LYPD6B: variants seen among roughly 807,000 people sequenced by gnomAD.
LYPD6B encodes the protein LY6/PLAUR domain containing 6B, also known as ly6/PLAUR domain-containing protein 6B.
In LYPD6B, 17 loss-of-function variants were observed where a neutral mutation model predicts 22.8. The ratio of observed to expected loss-of-function variants is 0.75; its 90% CI spans 0.51 to 1.12. LYPD6B has a LOEUF of 1.12. LYPD6B is among the 50% of genes most tolerant of loss of function. The pLI is 0.00. For synonymous variants in LYPD6B, 106 were observed against 91.6 expected (o/e 1.16, Z -0.90); for missense variants, 221 against 258.3 (o/e 0.86, Z 0.99).
At chr2:149,113,201 A>AGAC (rs1686843585) in intron 1 of LYPD6B, among the ~76,000 whole-genome samples, 3 of 151,666 alleles carry the variant, frequency 2.0e-5, no homozygotes, top group Admixed American at 6.6e-5. Flanking sequence ...TTGGCTTGTA[A>AGAC]AGTCTTAGTT....
chr2:149,040,827 G>T (rs1208615220), intron 1 of LYPD6B, among the ~76,000 whole-genome samples: 1 of 152,242 alleles, frequency 6.6e-6, no homozygotes, highest in East Asian at 1.9e-4. Context: ...TGCATGGAGG[G>T]CATCCTGTGT....
At chr2:149,204,164 T>C (rs1377680636) in intron 3 of LYPD6B, among the ~76,000 whole-genome samples, 2 of 152,196 alleles carry the variant, frequency 1.3e-5, no homozygotes, top group African/African-American at 2.4e-5. Context: ...TGAACCCACA[T>C]TTGACGCTCA....
intron 1 of LYPD6B, among the ~76,000 whole-genome samples, chr2:149,112,313 A>G (rs1686797184): frequency 6.6e-6 from 1 of 152,156 alleles, no homozygotes; most frequent in South Asian, 2.1e-4. Context: ...TTATAACTTT[A>G]TATGCTGTTT....
At chr2:149,062,687 A>G (rs1558975317) in intron 1 of LYPD6B, among the ~76,000 whole-genome samples, 1 of 152,170 alleles carries the variant, frequency 6.6e-6, no homozygotes, top group Non-Finnish European at 1.5e-5. Flanking sequence ...TAAAGGTGCA[A>G]TGTTATTTTG....
At chr2:149,205,026 T>C in intron 3 of LYPD6B, 1 of 444,222 alleles carries the variant, frequency 2.3e-6, no homozygotes, top group Non-Finnish European at 3.9e-6. Context: ...CATCGAGTGT[T>C]CTGCTAAAGC....
chr2:149,211,487 T>C (rs937828959), intron 5 of LYPD6B, among the ~76,000 whole-genome samples: 1 of 152,222 alleles, frequency 6.6e-6, no homozygotes, highest in Non-Finnish European at 1.5e-5. Flanking sequence ...TTAAGGCTTA[T>C]GGTGAAGATT....
intron 5 of LYPD6B, among the ~76,000 whole-genome samples, chr2:149,211,210 T>A (rs2106175198): frequency 6.6e-6 from 1 of 152,278 alleles, no homozygotes; most frequent in African/African-American, 2.4e-5. Context: ...TCCACCCCCA[T>A]GATTTAATCA....
At chr2:149,042,182 C>G (rs1683115924) in intron 1 of LYPD6B, among the ~76,000 whole-genome samples, 1 of 152,216 alleles carries the variant, frequency 6.6e-6, no homozygotes, top group Non-Finnish European at 1.5e-5. Flanking sequence ...AAACAATTCT[C>G]CTGATGCTAA....
chr2:149,051,015 C>T (rs1006538040), intron 1 of LYPD6B, among the ~76,000 whole-genome samples: 1 of 151,682 alleles, frequency 6.6e-6, no homozygotes, highest in African/African-American at 2.4e-5. Context: ...TAATCTTAAT[C>T]ATTATAATTT....
chr2:149,214,465 G>T, intron 6 of LYPD6B, 81 bp from the exon 7 acceptor site: 2 of 1,444,216 alleles, frequency 1.4e-6, no homozygotes, highest in South Asian at 1.2e-5. Flanking sequence ...AGCTCAAGAA[G>T]CCTTTGTTTT....
In LYPD6B at chr2:149,213,020, C is replaced by G. The variant is rs761340800; in HGVS notation, c.357C>G (p.His119Gln). The change falls in exon 6 of 7, where the codon CAC becomes CAG. Residue 119 changes from histidine to glutamine, a missense_variant. Coordinates refer to ENST00000409642, the MANE Select transcript of LYPD6B (RefSeq NM_177964.5). ...QNTQYCLTVH[H>Q]FTSHGRSTSI... Reference sequence around the variant, plus strand: ...CACAGTACTGTTTGACAGTTCATCACTTCACCAGCCACGGAAGAAGCACAT... The same window carrying G: ...CACAGTACTGTTTGACAGTTCATCAGTTCACCAGCCACGGAAGAAGCACAT... 1.9e-6 allele frequency: 3 copies of G among 1,613,974 alleles called. No homozygotes were observed. The highest frequency in any genetic ancestry group is 2.5e-6 in the Non-Finnish European group (3 of 1,179,856).
At chr2:149,068,746 A>G (rs1037378620) in intron 1 of LYPD6B, 22 of 524,882 alleles carry the variant, frequency 4.2e-5, no homozygotes, top group African/African-American at 4.1e-4. Flanking sequence ...CATCTACTTC[A>G]AGGGATATCA....
chr2:149,190,018 A>G (rs888787941), intron 3 of LYPD6B, among the ~76,000 whole-genome samples: 2 of 152,220 alleles, frequency 1.3e-5, no homozygotes, highest in Non-Finnish European at 2.9e-5. Flanking sequence ...CATGGATTAT[A>G]AATCAAAACA....
chr2:149,181,784 C>A (rs1278538961), intron 3 of LYPD6B, among the ~76,000 whole-genome samples: 1 of 152,220 alleles, frequency 6.6e-6, no homozygotes, highest in Non-Finnish European at 1.5e-5. Context: ...AACCTGTGGT[C>A]ATGCTCTTTG....
intron 1 of LYPD6B, among the ~76,000 whole-genome samples, chr2:149,130,173 C>T (rs1439526359): frequency 1.3e-5 from 2 of 152,180 alleles, no homozygotes; most frequent in African/African-American, 4.8e-5. Context: ...ATTTGTTCCC[C>T]CATGAGGCTG....
chr2:149,145,310 T>A (rs1239192550), intron 2 of LYPD6B, among the ~76,000 whole-genome samples: 1 of 152,192 alleles, frequency 6.6e-6, no homozygotes, highest in Admixed American at 6.5e-5. Context: ...GGACGATACA[T>A]GCAGTTGCGC....
chr2:149,090,872 A>C (rs920052027), intron 1 of LYPD6B, among the ~76,000 whole-genome samples: 1 of 152,200 alleles, frequency 6.6e-6, no homozygotes, highest in Admixed American at 6.5e-5. Context: ...GCATTTGGCA[A>C]TGTTGTTCGT....
intron 2 of LYPD6B, among the ~76,000 whole-genome samples, chr2:149,135,918 G>T (rs530722746): frequency 2.4e-4 from 36 of 152,084 alleles, no homozygotes; most frequent in African/African-American, 8.2e-4. Context: ...CCCATGCCAG[G>T]CTGGGAGTGG....
chr2:149,084,701 T>TA (rs760760616), intron 1 of LYPD6B, among the ~76,000 whole-genome samples: 17 of 152,356 alleles, frequency 1.1e-4, no homozygotes, highest in Non-Finnish European at 2.2e-4. Context: ...ATTCATATTT[T>TA]AAAATCTAAG....
Sources: gnomAD v4.1 joint callset for allele counts (sites outside exome capture counted in the v4.1 genomes callset) on GRCh38, gnomAD v4.1.1 for gene constraint, MANE v1.5 for transcripts, NCBI Gene and HGNC (gene_info 2026-07-23, HGNC 2026-07-21) for gene names.